The following FLT1 variants were observed in gnomAD, a reference collection of about 807,000 sequenced individuals.
FLT1 encodes the protein vascular endothelial growth factor receptor 1.
Under a neutral mutation model 156.3 loss-of-function variants are expected in FLT1, and 49 were observed. The observed-to-expected ratio is 0.31, with a 90% CI of 0.25 to 0.40. The LOEUF is 0.40. Among genes scored for constraint, FLT1 ranks in the 10% least tolerant of loss-of-function variants. FLT1 has a pLI of 1.00. For missense variants in FLT1, 1,322 were observed against 1,637.2 expected (o/e 0.81, Z 3.32); for synonymous variants, 594 against 583.8 (o/e 1.02, Z -0.25).
At chr13:28,433,700 T>C in intron 6 of FLT1, 119 bp downstream of exon 6, 3 of 950,258 alleles carry the variant, frequency 3.2e-6, no homozygotes, top group South Asian at 1.3e-5. Flanking sequence ...AGCTTCTTTA[T>C]TGACTAACAC....
intron 3 of FLT1, among the ~76,000 whole-genome samples, chr13:28,462,340 C>T (rs185744446): frequency 5.3e-5 from 8 of 152,288 alleles, no homozygotes; most frequent in South Asian, 2.1e-4. Flanking sequence ...TTCCTGTGTA[C>T]ACCAGAGTGT....
chr13:28,384,814 G>T, intron 14 of FLT1, 71 bp downstream of exon 14: 1 of 1,437,020 alleles, frequency 7.0e-7, no homozygotes, highest in Non-Finnish European at 9.8e-7. Context: ...AGCAGGTGAC[G>T]GGACTGTTAA....
At chr13:28,480,640 C>A (rs74419488) in intron 1 of FLT1, among the ~76,000 whole-genome samples, 2,736 of 152,304 alleles carry the variant, frequency 0.018, 80 homozygotes, top group African/African-American at 0.062. Context: ...CTTCATCTTT[C>A]CTTTTAAACA....
At chr13:28,313,350 T>C (rs1871081591) in intron 25 of FLT1, among the ~76,000 whole-genome samples, 1 of 152,242 alleles carries the variant, frequency 6.6e-6, no homozygotes, top group Non-Finnish European at 1.5e-5. Context: ...TCGAGGTCTG[T>C]ACCTACCGCC....
intron 1 of FLT1, among the ~76,000 whole-genome samples, chr13:28,470,090 G>A (rs1197059620): frequency 6.6e-6 from 1 of 152,056 alleles, no homozygotes; most frequent in Non-Finnish European, 1.5e-5. Context: ...GTAGATCCCG[G>A]TATCAAAGTA....
chr13:28,459,679 C>T (rs1879455930), intron 3 of FLT1, among the ~76,000 whole-genome samples: 1 of 152,178 alleles, frequency 6.6e-6, no homozygotes, highest in Non-Finnish European at 1.5e-5. Flanking sequence ...TGGGCGCTTT[C>T]TTGTTTTCTT....
chr13:28,412,389 T>TTTCTTTCCTTCC (rs1566013177), intron 10 of FLT1, among the ~76,000 whole-genome samples: 11 of 139,120 alleles, frequency 7.9e-5, no homozygotes, highest in Non-Finnish European at 1.6e-4. Flanking sequence ...TCTTTCTTTC[T>TTTCTTTCCTTCC]TTCTTTCTTT....
chr13:28,478,904 C>T (rs955535821), intron 1 of FLT1, among the ~76,000 whole-genome samples: 1 of 152,150 alleles, frequency 6.6e-6, no homozygotes, highest in Middle Eastern at 3.4e-3. Flanking sequence ...GCTTCAGAAT[C>T]GATTACAAAT....
chr13:28,383,711 C>A (rs1196652205), intron 14 of FLT1, among the ~76,000 whole-genome samples: 1 of 151,626 alleles, frequency 6.6e-6, no homozygotes, highest in Non-Finnish European at 1.5e-5. Context: ...CACCTGTAAT[C>A]CCAGCCACTT....
At chr13:28,459,060 G>A (rs1476302911) in intron 3 of FLT1, among the ~76,000 whole-genome samples, 1 of 152,216 alleles carries the variant, frequency 6.6e-6, no homozygotes, top group East Asian at 1.9e-4. Context: ...GGTTTTTGAT[G>A]AAGATGTGTG....
In FLT1 at chr13:28,481,807, C is replaced by T. The variant is rs574335718; in HGVS notation, c.64+12973G>A. Among the ~76,000 whole-genome samples the T allele has an allele frequency of 3.9e-5, 6 of 152,316 alleles. No homozygotes were observed. In the East Asian group the frequency reaches 1.2e-3, roughly 29 times the overall value. On this transcript the variant is annotated intron_variant, in intron 1 of 29. Coordinates refer to ENST00000282397, the MANE Select transcript of FLT1 (RefSeq NM_002019.4). ...CTATGTACACTATGTCTTTAAGGAA[C>T]ACATCCTTTAATATAGGAAGTCACA...
intron 12 of FLT1, among the ~76,000 whole-genome samples, chr13:28,395,990 C>CCATTTTTT (rs1875021078): frequency 6.6e-6 from 1 of 152,186 alleles, no homozygotes. Context: ...CAGTGCAAAC[C>CCATTTTTT]TTTGTATTTA....
chr13:28,483,930 G>A (rs1244378173), intron 1 of FLT1, among the ~76,000 whole-genome samples: 6 of 152,030 alleles, frequency 3.9e-5, no homozygotes, highest in South Asian at 2.1e-4. Context: ...AAGAGTCCCC[G>A]ATTTCAAAAT....
rs571632992 is a variant in FLT1 at position 28,393,474 on chromosome 13, T to C, written c.1661-3370A>G. 5.3e-5 allele frequency among the ~76,000 whole-genome samples: 8 copies of C among 152,346 alleles called. No homozygotes were observed. In the South Asian group the frequency reaches 1.0e-3, roughly 20 times the overall value. On this transcript the variant is annotated intron_variant, in intron 12 of 29. Coordinates refer to ENST00000282397, the MANE Select transcript of FLT1 (RefSeq NM_002019.4). ...TTCTGCTTGTTTCAAGTGGATGCTATGTACAAGTGTGTGCCAAAGTTTGGA... is the reference window on the plus strand; with the variant it reads ...TTCTGCTTGTTTCAAGTGGATGCTACGTACAAGTGTGTGCCAAAGTTTGGA...
At position 28,339,207 on chromosome 13, in the gene FLT1, C is replaced by T. The variant is rs2138851536; in HGVS notation, c.2449G>A (p.Ala817Thr). 1 of 1,614,192 alleles carries T rather than the reference C, an allele frequency of 6.2e-7. No individual in the cohort carries two copies. The highest frequency in any genetic ancestry group is 8.5e-7 in the Non-Finnish European group (1 of 1,180,018). Reference protein sequence around the residue: ...DEQCERLPYDASKWEFARERL... With the variant: ...DEQCERLPYDTSKWEFARERL... The stretch of plus-strand genomic sequence containing the variant: ...TCCCGGGCAAACTCCCACTTGCTGG[C>T]ATCATAAGGGAGCCGCTCACACTGC... Residue 817 changes from alanine (A) to threonine (T), a missense_variant, in exon 17 of 30, where the codon GCC becomes ACC. Coordinates refer to ENST00000282397, the MANE Select transcript of FLT1 (RefSeq NM_002019.4).
chr13:28,373,791 C>T (rs954909048), intron 14 of FLT1, among the ~76,000 whole-genome samples: 11 of 152,164 alleles, frequency 7.2e-5, no homozygotes, highest in African/African-American at 2.7e-4. Flanking sequence ...GGACAGAGTA[C>T]AGCCTCTGAG....
At chr13:28,376,120 G>C (rs1873828567) in intron 14 of FLT1, among the ~76,000 whole-genome samples, 1 of 152,132 alleles carries the variant, frequency 6.6e-6, no homozygotes, top group African/African-American at 2.4e-5. Flanking sequence ...ATAATTCAGA[G>C]GTGATTCTGT....
chr13:28,401,210 T>A (rs1875414351), intron 11 of FLT1, among the ~76,000 whole-genome samples: 1 of 152,144 alleles, frequency 6.6e-6, no homozygotes, highest in East Asian at 1.9e-4. Context: ...AATAAATAAA[T>A]AAATAAAATT....
At position 28,384,952 on chromosome 13, in the gene FLT1, A is replaced by C. The variant is rs936568195; in HGVS notation, c.2049T>G (p.His683Gln). 3.1e-6 allele frequency: 5 copies of C among 1,614,118 alleles called. No homozygotes were observed. The highest frequency in any genetic ancestry group is 1.3e-5 in the African/African-American group (1 of 75,062). Residue 683 changes from histidine to glutamine, a missense_variant, in exon 14 of 30, where the codon CAT becomes CAG. Coordinates refer to ENST00000282397, the MANE Select transcript of FLT1 (RefSeq NM_002019.4). ...AISSSTTLDC[H>Q]ANGVPEPQIT... ...TCTGAGGCTCGGGGACACCATTAGC[A>C]TGACAGTCTAAAGTGGTGGAACTGC...
Sources: allele counts gnomAD v4.1 joint callset (sites outside exome capture counted in the v4.1 genomes callset), GRCh38; gene constraint gnomAD v4.1.1; transcripts MANE v1.5; gene names NCBI Gene and HGNC (gene_info 2026-07-23, HGNC 2026-07-21).